The following RNF141 variants were observed in gnomAD, a reference collection of about 807,000 sequenced individuals.
The protein encoded by RNF141 is C3HC4-like zinc finger protein.
Under a neutral mutation model 27.4 loss-of-function variants are expected in RNF141, and 18 were observed. The ratio of observed to expected loss-of-function variants is 0.66; its 90% CI spans 0.45 to 0.97. RNF141 has a LOEUF of 0.97. RNF141 is among the 50% of genes least tolerant of loss of function. The probability of loss-of-function intolerance (pLI) is 0.00; values close to 1 mark genes in which losing one functional copy is unlikely to be tolerated. For synonymous variants in RNF141, 97 were observed against 96.6 expected (o/e 1.00, Z -0.02); for missense variants, 230 against 279.4 (o/e 0.82, Z 1.26).
chr11:10,535,701 CA>C (rs1469226195), intron 1 of RNF141, among the ~76,000 whole-genome samples: 2 of 151,942 alleles, frequency 1.3e-5, no homozygotes, highest in Non-Finnish European at 2.9e-5. Flanking sequence ...AAAAATTCCC[CA>C]AAACTTAACA....
intron 3 of RNF141, among the ~76,000 whole-genome samples, chr11:10,526,030 T>C (rs1466057690): frequency 6.6e-6 from 1 of 152,092 alleles, no homozygotes; most frequent in African/African-American, 2.4e-5. Context: ...GCAGAGGAGA[T>C]TGCTTTCACA....
Position 10,525,242 on chromosome 11 carries a change from A to G in RNF141, c.384T>C (p.Asp128=), listed in dbSNP as rs147548510. 1.2e-5 allele frequency: 19 copies of G among 1,612,898 alleles called. No homozygotes were observed. Among genetic ancestry groups the G allele is most frequent in the East Asian group, 2.2e-5 (1 of 44,854 alleles). The change falls in exon 4 of 6, where the codon GAT becomes GAC. Residue 128 remains aspartate, a synonymous_variant. Coordinates refer to ENST00000265981, the MANE Select transcript of RNF141 (RefSeq NM_016422.4). ...AAGATGTTACAGAGGATGAGTTTTC[A>G]TCAGGTTCTTCAGAGGTGGAGCTCT... ...LAQSSTSEEP[D]ENSSSVTSCQ...
At chr11:10,524,282 G>A (rs1023841847) in intron 4 of RNF141, among the ~76,000 whole-genome samples, 6 of 152,174 alleles carry the variant, frequency 3.9e-5, no homozygotes, top group Non-Finnish European at 8.8e-5. Context: ...GGGCGTGGTG[G>A]CGGGCGCCTG....
chr11:10,522,243 A>T (rs1200868240), intron 4 of RNF141, among the ~76,000 whole-genome samples: 1 of 152,216 alleles, frequency 6.6e-6, no homozygotes, highest in African/African-American at 2.4e-5. Flanking sequence ...CAGAGAATAT[A>T]ACTGAATCTG....
chr11:10,513,802 G>A lies in RNF141; in HGVS notation c.*1114C>T, dbSNP rs7929890. 30,740 of 151,748 alleles carry A rather than the reference G, an allele frequency of 0.2. 4,197 individuals carry two copies. Among genetic ancestry groups the A allele is most frequent in the African/African-American group, 0.38 (15,781 of 41,308 alleles). The allele number at this position is 151,748 out of a possible 1,614,324, so 9.4% of individuals were successfully genotyped here. On this transcript the variant is annotated 3_prime_UTR_variant, in exon 6 of 6. Coordinates refer to ENST00000265981, the MANE Select transcript of RNF141 (RefSeq NM_016422.4). ...TCAAGCAATTCTGCCTCAGCCTCCCGAGTAGCTGAGATTACAGGCACCTGC... is the reference window on the plus strand; with the variant it reads ...TCAAGCAATTCTGCCTCAGCCTCCCAAGTAGCTGAGATTACAGGCACCTGC...
At chr11:10,539,573 CT>C (rs35522358) in intron 1 of RNF141, among the ~76,000 whole-genome samples, 148 of 143,932 alleles carry the variant, frequency 1.0e-3, no homozygotes, top group African/African-American at 2.9e-3. Context: ...CAGATATCAA[CT>C]TTTTTTTTTC....
Position 10,513,462 on chromosome 11 carries a change from C to T in RNF141, c.*1454G>A, listed in dbSNP as rs1849818645. 1 of 152,138 alleles carries T rather than the reference C, an allele frequency of 6.6e-6. No individual in the cohort carries two copies. The highest frequency in any genetic ancestry group is 1.9e-4 in the East Asian group (1 of 5,184). 9.4% of individuals were successfully genotyped at this position (152,138 alleles called of 1,614,324 possible). ...AAGGAGATAGGCCCTTGTTTTATTA[C>T]ATGCCGAAATGTTAATGTTAGAAAT... On this transcript the variant is annotated 3_prime_UTR_variant, in exon 6 of 6. Transcript: ENST00000265981.
At chr11:10,526,786 A>T (rs1277968086) in intron 3 of RNF141, among the ~76,000 whole-genome samples, 1 of 152,102 alleles carries the variant, frequency 6.6e-6, no homozygotes, top group Admixed American at 6.5e-5. Flanking sequence ...CGTCTCAAAA[A>T]AAAAAAAAAA....
chr11:10,515,032 G>T lies in RNF141; in HGVS notation c.577C>A (p.Leu193Ile). The T allele has an allele frequency of 6.2e-7, 1 of 1,613,946 alleles. No individual in the cohort carries two copies. Among genetic ancestry groups the T allele is most frequent in the Non-Finnish European group, 8.5e-7 (1 of 1,179,920 alleles). The change falls in exon 6 of 6, where the codon CTA becomes ATA. Residue 193 changes from leucine (L) to isoleucine (I), a missense_variant. Coordinates refer to ENST00000265981, the MANE Select transcript of RNF141 (RefSeq NM_016422.4). Reference protein sequence around the residue: ...DRHRNCPICRLQMTGANESWV... With the variant: ...DRHRNCPICRIQMTGANESWV... The stretch of plus-strand genomic sequence containing the variant: ...GATTCATTTGCTCCAGTCATCTGTA[G>T]GCGACAAATAGGGCAATTCCTGTGT...
At chr11:10,519,479 G>A (rs934875367) in intron 4 of RNF141, among the ~76,000 whole-genome samples, 2 of 152,138 alleles carry the variant, frequency 1.3e-5, no homozygotes, top group South Asian at 2.1e-4. Context: ...AAATTTAACC[G>A]ATATAGTTAT....
chr11:10,525,662 G>T (rs570875424), intron 3 of RNF141, among the ~76,000 whole-genome samples: 13 of 152,262 alleles, frequency 8.5e-5, no homozygotes, highest in Non-Finnish European at 1.5e-4. Flanking sequence ...TCAGAGTTAA[G>T]AAATAAATTT....
chr11:10,535,032 G>C (rs1850022021), intron 1 of RNF141, among the ~76,000 whole-genome samples: 1 of 151,320 alleles, frequency 6.6e-6, no homozygotes, highest in Admixed American at 6.6e-5. Context: ...TAATTATCAA[G>C]TTTTTAAATG....
Position 10,518,938 on chromosome 11 carries a change from A to G in RNF141, c.542+96T>C, listed in dbSNP as rs1849863861. On this transcript the variant is annotated intron_variant, in intron 5 of 5. Transcript: ENST00000265981. Reference sequence around the variant, plus strand: ...AGTACTAAAGAATAAAATCTCTCTCATACTTAACTACAGTATTTTTGCACT... The same window carrying G: ...AGTACTAAAGAATAAAATCTCTCTCGTACTTAACTACAGTATTTTTGCACT... 11 of 795,146 alleles carry G rather than the reference A, an allele frequency of 1.4e-5. No homozygotes were observed. The East Asian group carries it at 2.9e-4, about 21-fold the overall frequency. The allele number at this position is 795,146 out of a possible 1,614,324, so 49.3% of individuals were successfully genotyped here.
intron 5 of RNF141, chr11:10,515,915 GATT>G (rs1849839629): frequency 6.6e-6 from 1 of 152,122 alleles, no homozygotes. Context: ...ACTTAAATAA[GATT>G]ATGTTTTCGA....
rs1849812474 is a variant in RNF141 at position 10,512,873 on chromosome 11, T to TTA, written c.*2041_*2042dup. 1 of 152,276 alleles carries TTA rather than the reference T, an allele frequency of 6.6e-6. No individual in the cohort carries two copies. The highest frequency in any genetic ancestry group is 1.9e-4 in the East Asian group (1 of 5,194). 9.4% of individuals were successfully genotyped at this position (152,276 alleles called of 1,614,324 possible). ...TTTTTATTCATTGACTTAATCACAT[T>TTA]TATAGTATATAAAGTTTATATAATA... is the stretch of plus-strand genomic sequence containing the variant. On this transcript the variant is annotated 3_prime_UTR_variant, in exon 6 of 6. Coordinates refer to ENST00000265981, the MANE Select transcript of RNF141 (RefSeq NM_016422.4).
intron 3 of RNF141, among the ~76,000 whole-genome samples, chr11:10,529,064 A>G (rs747846574): frequency 5.3e-5 from 8 of 152,222 alleles, no homozygotes; most frequent in Non-Finnish European, 1.0e-4. Flanking sequence ...GGCAGAAACT[A>G]CTGGCTGATT....
rs1026192304 is a variant in RNF141 at position 10,524,457 on chromosome 11, C to T, written c.434+735G>A. Among the ~76,000 whole-genome samples the T allele has an allele frequency of 7.9e-5, 12 of 152,014 alleles. No individual in the cohort carries two copies. In the East Asian group the frequency reaches 9.6e-4, roughly 12 times the overall value. ...ATTCTTAACTTTAAGGTAAAGGACA[C>T]GGTGAATATAGATTTCTGCTATCTA... On this transcript the variant is annotated intron_variant, in intron 4 of 5. Transcript: ENST00000265981.
At chr11:10,524,730 A>AT (rs1396389717) in intron 4 of RNF141, among the ~76,000 whole-genome samples, 1 of 152,226 alleles carries the variant, frequency 6.6e-6, no homozygotes, top group Non-Finnish European at 1.5e-5. Context: ...GTAACTAAGT[A>AT]TATGCATTCG....
At position 10,514,824 on chromosome 11, in the gene RNF141, C is replaced by A; in HGVS notation, c.*92G>T. On this transcript the variant is annotated 3_prime_UTR_variant, in exon 6 of 6. Coordinates refer to ENST00000265981, the MANE Select transcript of RNF141 (RefSeq NM_016422.4). ...TAAAAGAGTGGGGAAAATGGATTTT[C>A]CTGTGTCTGTGCCAGTGCCACAACC... 1 of 1,208,044 alleles carries A rather than the reference C, an allele frequency of 8.3e-7. No individual in the cohort carries two copies. 74.8% of individuals were successfully genotyped at this position (1,208,044 alleles called of 1,614,324 possible).
Sources: gnomAD v4.1 joint callset for allele counts (sites outside exome capture counted in the v4.1 genomes callset) on GRCh38, gnomAD v4.1.1 for gene constraint, MANE v1.5 for transcripts, NCBI Gene and HGNC (gene_info 2026-07-23, HGNC 2026-07-21) for gene names.